The following THRAP3 variants were observed in gnomAD, a reference collection of about 807,000 sequenced individuals.
The protein encoded by THRAP3 is thyroid hormone receptor-associated protein 3.
Under a neutral mutation model 101.0 loss-of-function variants are expected in THRAP3, and 16 were observed. The ratio of observed to expected loss-of-function variants is 0.16; its 90% CI spans 0.11 to 0.24. The LOEUF (loss-of-function observed/expected upper bound fraction) is 0.24, where lower values mean the gene tolerates loss of function less well. Among genes scored for constraint, THRAP3 ranks in the 10% least tolerant of loss-of-function variants. THRAP3 has a pLI of 1.00. For synonymous variants in THRAP3, 407 were observed against 422.6 expected (o/e 0.96, Z 0.45); for missense variants, 989 against 1,202.7 (o/e 0.82, Z 2.63).
rs890224273 is a variant in THRAP3 at position 36,262,088 on chromosome 1, A to T, written c.-32+2604A>T. On this transcript the variant is annotated intron_variant, in intron 2 of 11. Coordinates refer to ENST00000354618, the MANE Select transcript of THRAP3 (RefSeq NM_005119.4). ...ACATTTTAGTAGTCACATTTAAAAA[A>T]ACAGATGAAATAAATTTGAACGATA... 7.9e-5 allele frequency among the ~76,000 whole-genome samples: 12 copies of T among 152,376 alleles called. No individual in the cohort carries two copies. The East Asian group carries it at 2.3e-3, about 29-fold the overall frequency.
intron 2 of THRAP3, among the ~76,000 whole-genome samples, chr1:36,265,568 G>T (rs143207156): frequency 6.6e-6 from 1 of 150,842 alleles, no homozygotes; most frequent in African/African-American, 2.4e-5. Context: ...CTTGGTACTT[G>T]TTGGGCCATA....
intron 2 of THRAP3, among the ~76,000 whole-genome samples, chr1:36,274,107 C>T (rs905483167): frequency 6.8e-4 from 96 of 141,574 alleles, no homozygotes; most frequent in African/African-American, 2.5e-3. Flanking sequence ...CACACACACA[C>T]AGACAAAATG....
At chr1:36,298,583 T>G (rs1395101239) in intron 9 of THRAP3, among the ~76,000 whole-genome samples, 1 of 151,878 alleles carries the variant, frequency 6.6e-6, no homozygotes, top group Non-Finnish European at 1.5e-5. Flanking sequence ...ATCCTTGAAC[T>G]CCTGGGTTCA....
At chr1:36,290,156 T>TTATTG (rs554210696) in intron 5 of THRAP3, among the ~76,000 whole-genome samples, 82 of 152,222 alleles carry the variant, frequency 5.4e-4, no homozygotes, top group African/African-American at 1.6e-3. Flanking sequence ...CGTAGCAATT[T>TTATTG]TATTGTATTG....
the THRAP3 span, among the ~76,000 whole-genome samples, chr1:36,211,231 C>T: frequency 2.0e-4 from 31 of 151,674 alleles, no homozygotes; most frequent in Admixed American, 2.0e-3. Context: ...CCTGGTGGCA[C>T]GCGCCTGTGT....
chr1:36,222,750 T>A (rs2124302975), upstream of THRAP3, among the ~76,000 whole-genome samples: 1 of 152,342 alleles, frequency 6.6e-6, no homozygotes, highest in East Asian at 1.9e-4. Flanking sequence ...ATTATGTATT[T>A]TGGTATCCAT....
chr1:36,293,640 CTGTGTGTGTGTGTGTGTG>C (rs577292328), intron 7 of THRAP3, among the ~76,000 whole-genome samples, 193 bp from the exon 8 acceptor site: 41 of 133,422 alleles, frequency 3.1e-4, no homozygotes, highest in African/African-American at 1.0e-3. Context: ...GAACCTGGGA[CTGTGTGTGTGTGTGTGTG>C]TGTGTGTGTG....
At chr1:36,237,877 A>G (rs2124383561) in intron 1 of THRAP3, among the ~76,000 whole-genome samples, 1 of 152,324 alleles carries the variant, frequency 6.6e-6, no homozygotes, top group African/African-American at 2.4e-5. Flanking sequence ...GCCTCAGTAC[A>G]GTGGCATGAA....
At chr1:36,264,740 CTTTTT>C (rs908765060) in intron 2 of THRAP3, among the ~76,000 whole-genome samples, 1 of 151,162 alleles carries the variant, frequency 6.6e-6, no homozygotes, top group Non-Finnish European at 1.5e-5. Flanking sequence ...TTACCTTTAT[CTTTTT>C]TTTTAATATC....
chr1:36,304,556 G>C lies in THRAP3; in HGVS notation c.*539G>C, dbSNP rs1282877889. 4.8e-6 allele frequency: 1 copy of C among 210,190 alleles called. No individual in the cohort carries two copies. Among genetic ancestry groups the C allele is most frequent in the Non-Finnish European group, 9.6e-6 (1 of 104,526 alleles). The allele number at this position is 210,190 out of a possible 1,614,324, so 13.0% of individuals were successfully genotyped here. ...AAACAAAAGCATGTGAATAAACTTT[G>C]AAGTGTTCACCTCAGTTTGGGACCA... is the stretch of plus-strand genomic sequence containing the variant. On this transcript the variant is annotated 3_prime_UTR_variant, in exon 12 of 12. Transcript: ENST00000354618.
At chr1:36,234,580 G>A (rs4545304) in intron 1 of THRAP3, among the ~76,000 whole-genome samples, 121,380 of 152,082 alleles carry the variant, frequency 0.8, 50,020 homozygotes, top group East Asian at 0.94. Flanking sequence ...AAGAGGAACC[G>A]TGGAGGAGAA....
chr1:36,301,481 C>G (rs2124648904), intron 10 of THRAP3, 72 bp from the exon 11 acceptor site: 1 of 1,555,676 alleles, frequency 6.4e-7, no homozygotes, highest in South Asian at 1.2e-5. Flanking sequence ...AATGTTTGAA[C>G]AAAAAGCAGG....
the THRAP3 span, among the ~76,000 whole-genome samples, chr1:36,215,198 T>C: frequency 7.2e-5 from 11 of 152,036 alleles, no homozygotes; most frequent in African/African-American, 2.4e-4. Context: ...CACTCCAGCC[T>C]GGGCGACAGA....
chr1:36,280,907 A>T (rs1380837819), intron 2 of THRAP3, among the ~76,000 whole-genome samples: 1 of 151,996 alleles, frequency 6.6e-6, no homozygotes, highest in African/African-American at 2.4e-5. Flanking sequence ...ACCCTGAAAG[A>T]AAGTTGACTC....
the THRAP3 span, among the ~76,000 whole-genome samples, chr1:36,214,558 C>A: frequency 6.6e-6 from 1 of 152,098 alleles, no homozygotes; most frequent in Middle Eastern, 3.2e-3. Context: ...CATAGTAATC[C>A]TTTAAAAAAG....
chr1:36,212,035 G>A, the THRAP3 span, among the ~76,000 whole-genome samples: 2 of 152,162 alleles, frequency 1.3e-5, no homozygotes, highest in Non-Finnish European at 2.9e-5. Flanking sequence ...AAGTCCATAG[G>A]TGCTGCTAAT....
chr1:36,241,123 C>T (rs962488174), intron 1 of THRAP3, among the ~76,000 whole-genome samples: 3 of 144,896 alleles, frequency 2.1e-5, no homozygotes, highest in African/African-American at 5.1e-5. Flanking sequence ...AGGAGAATGG[C>T]GTGAACCCAG....
In THRAP3 at chr1:36,304,126, C is replaced by A. The variant is rs1646065872; in HGVS notation, c.*109C>A. 1.4e-6 allele frequency: 2 copies of A among 1,397,680 alleles called. No individual in the cohort carries two copies. Among genetic ancestry groups the A allele is most frequent in the Non-Finnish European group, 1.9e-6 (2 of 1,059,018 alleles). 86.6% of individuals were successfully genotyped at this position (1,397,680 alleles called of 1,614,324 possible). On this transcript the variant is annotated 3_prime_UTR_variant, in exon 12 of 12. Coordinates refer to ENST00000354618, the MANE Select transcript of THRAP3 (RefSeq NM_005119.4). ...GAAGATTCTGAAAATCCTACCCCCA[C>A]CCCCCACCAGCCGCACAGATTGTAC...
chr1:36,274,257 CTT>C (rs1645628018), intron 2 of THRAP3, among the ~76,000 whole-genome samples: 1 of 152,158 alleles, frequency 6.6e-6, no homozygotes, highest in South Asian at 2.1e-4. Context: ...CAGTGTAAAA[CTT>C]ATATTCAGAA....
Sources: allele counts gnomAD v4.1 joint callset (sites outside exome capture counted in the v4.1 genomes callset), GRCh38; gene constraint gnomAD v4.1.1; transcripts MANE v1.5; gene names NCBI Gene and HGNC (gene_info 2026-07-23, HGNC 2026-07-21).